The following FAM107B variants were observed in gnomAD, a reference collection of about 807,000 sequenced individuals.
FAM107B encodes protein FAM107B.
Under a neutral mutation model 31.5 loss-of-function variants are expected in FAM107B, and 21 were observed. That is an observed-to-expected ratio of 0.67 (90% CI 0.47 to 0.96). The LOEUF is 0.96. Among genes scored for constraint, FAM107B ranks in the 40% least tolerant of loss-of-function variants. FAM107B has a pLI of 0.00. For synonymous variants in FAM107B, 157 were observed against 141.5 expected (o/e 1.11, Z -0.78); for missense variants, 452 against 377.1 (o/e 1.20, Z -1.64).
intron 2 of FAM107B, among the ~76,000 whole-genome samples, chr10:14,607,152 T>C (rs1331016302): frequency 6.6e-6 from 1 of 152,206 alleles, no homozygotes; most frequent in Admixed American, 6.5e-5. Context: ...AAACAAAGGC[T>C]CGTTCCATAC....
intron 1 of FAM107B, among the ~76,000 whole-genome samples, chr10:14,741,570 C>T (rs769799987): frequency 2.0e-5 from 3 of 152,120 alleles, no homozygotes; most frequent in African/African-American, 7.2e-5. Context: ...AGATCTGAGC[C>T]CCAAGGGGAG....
intron 2 of FAM107B, among the ~76,000 whole-genome samples, chr10:14,544,530 A>G (rs2130998493): frequency 6.6e-6 from 1 of 152,356 alleles, no homozygotes; most frequent in Middle Eastern, 3.4e-3. Context: ...ACATTTAGAA[A>G]ATCAGCATCT....
At chr10:14,754,411 C>T (rs74122987) in intron 1 of FAM107B, among the ~76,000 whole-genome samples, 359 of 152,212 alleles carry the variant, frequency 2.4e-3, no homozygotes, top group African/African-American at 8.2e-3. Flanking sequence ...CTTGACTAAT[C>T]CAAGCAGAGT....
intron 2 of FAM107B, among the ~76,000 whole-genome samples, chr10:14,540,658 G>T (rs1010387483): frequency 2.6e-5 from 4 of 152,194 alleles, no homozygotes; most frequent in African/African-American, 9.7e-5. Flanking sequence ...CATGCCTCTG[G>T]AAACCCCATA....
At chr10:14,705,532 A>G (rs1482837699) in intron 1 of FAM107B, among the ~76,000 whole-genome samples, 1 of 152,156 alleles carries the variant, frequency 6.6e-6, no homozygotes, top group Non-Finnish European at 1.5e-5. Context: ...ATTCAGCTTG[A>G]AAAAGGAAGG....
chr10:14,716,958 C>T (rs1855794109), intron 1 of FAM107B, among the ~76,000 whole-genome samples: 1 of 151,944 alleles, frequency 6.6e-6, no homozygotes, highest in Non-Finnish European at 1.5e-5. Flanking sequence ...CATGTGGTGG[C>T]GAGCACCTGT....
intron 2 of FAM107B, among the ~76,000 whole-genome samples, chr10:14,591,364 C>T (rs908990855): frequency 6.6e-6 from 1 of 152,234 alleles, no homozygotes; most frequent in Non-Finnish European, 1.5e-5. Flanking sequence ...GTAACATCCA[C>T]AGAAGACCGT....
At chr10:14,720,066 T>C (rs984409877) in intron 1 of FAM107B, among the ~76,000 whole-genome samples, 2 of 152,016 alleles carry the variant, frequency 1.3e-5, no homozygotes, top group Admixed American at 6.6e-5. Flanking sequence ...CTCCAACCAG[T>C]TGGTGACCTC....
intron 2 of FAM107B, among the ~76,000 whole-genome samples, chr10:14,600,074 A>G (rs1852334963): frequency 1.3e-5 from 2 of 151,790 alleles, no homozygotes; most frequent in African/African-American, 2.4e-5. Flanking sequence ...AGTCCGAATA[A>G]TGTTCTTAAA....
intron 1 of FAM107B, among the ~76,000 whole-genome samples, chr10:14,727,381 C>T (rs1017256325): frequency 6.6e-6 from 1 of 152,136 alleles, no homozygotes; most frequent in African/African-American, 2.4e-5. Context: ...CTGCCTGAGC[C>T]ACGTCTCTTA....
At chr10:14,691,863 C>A in intron 1 of FAM107B, among the ~76,000 whole-genome samples, 2 of 146,050 alleles carry the variant, frequency 1.4e-5, no homozygotes, top group African/African-American at 5.1e-5. Flanking sequence ...CACTGCAAGC[C>A]AGCCTGAGCT....
intron 2 of FAM107B, among the ~76,000 whole-genome samples, chr10:14,594,360 A>G (rs1852113396): frequency 6.6e-6 from 1 of 152,020 alleles, no homozygotes; most frequent in African/African-American, 2.4e-5. Flanking sequence ...AAATTTAAAA[A>G]TTAGAGTGGT....
intron 2 of FAM107B, among the ~76,000 whole-genome samples, chr10:14,662,841 T>C (rs1003806064): frequency 6.6e-6 from 1 of 152,188 alleles, no homozygotes; most frequent in Non-Finnish European, 1.5e-5. Flanking sequence ...GATTGAAGGA[T>C]GCAAAGTATT....
intron 2 of FAM107B, 134 bp downstream of exon 2, chr10:14,667,500 G>T: frequency 1.2e-6 from 1 of 841,542 alleles, no homozygotes; most frequent in Non-Finnish European, 1.9e-6. Context: ...TATCACACGT[G>T]ACATTTCTAG....
At chr10:14,537,258 G>T (rs553076338) in intron 2 of FAM107B, among the ~76,000 whole-genome samples, 176 of 152,338 alleles carry the variant, frequency 1.2e-3, no homozygotes, top group African/African-American at 4.1e-3. Context: ...AGAGATGCAG[G>T]GAAAGGAATC....
intron 1 of FAM107B, among the ~76,000 whole-genome samples, chr10:14,707,547 C>T (rs1258527492): frequency 6.6e-6 from 1 of 152,164 alleles, no homozygotes; most frequent in African/African-American, 2.4e-5. Flanking sequence ...AGAAAAGGCC[C>T]TTCTCCCACT....
At chr10:14,717,806 A>G (rs1855815293) in intron 1 of FAM107B, among the ~76,000 whole-genome samples, 1 of 152,146 alleles carries the variant, frequency 6.6e-6, no homozygotes, top group South Asian at 2.1e-4. Flanking sequence ...CCTGAATCCA[A>G]TCAAGTCGAC....
chr10:14,600,720 G>A (rs1486232249), intron 2 of FAM107B, among the ~76,000 whole-genome samples: 1 of 152,162 alleles, frequency 6.6e-6, no homozygotes, highest in Non-Finnish European at 1.5e-5. Context: ...GCTCACTGCA[G>A]CCTCGAACTC....
intron 1 of FAM107B, among the ~76,000 whole-genome samples, chr10:14,761,503 G>A (rs370959435): frequency 1.3e-5 from 2 of 152,118 alleles, no homozygotes; most frequent in Admixed American, 1.3e-4. Flanking sequence ...GAGATAATAC[G>A]TCTGCATAGT....
Sources: gnomAD v4.1 joint callset for allele counts (sites outside exome capture counted in the v4.1 genomes callset) on GRCh38, gnomAD v4.1.1 for gene constraint, MANE v1.5 for transcripts, NCBI Gene and HGNC (gene_info 2026-07-23, HGNC 2026-07-21) for gene names.